NCKAP5: variants seen among roughly 807,000 people sequenced by gnomAD.
The protein encoded by NCKAP5 is nck-associated protein 5.
A neutral mutation model predicts 167.0 loss-of-function variants in NCKAP5; 92 were observed. The ratio of observed to expected loss-of-function variants is 0.55; its 90% CI spans 0.47 to 0.66. The LOEUF is 0.66. NCKAP5 is among the 30% of genes least tolerant of loss of function. NCKAP5 has a pLI of 0.00. For missense variants in NCKAP5, 2,378 were observed against 2,315.0 expected (o/e 1.03, Z -0.56); for synonymous variants, 891 against 877.4 (o/e 1.02, Z -0.27).
At position 132,781,120 on chromosome 2, in the gene NCKAP5, T is replaced by A; in HGVS notation, c.4981A>T (p.Ser1661Cys). The A allele has an allele frequency of 6.2e-7, 1 of 1,613,904 alleles. No individual in the cohort carries two copies. The highest frequency in any genetic ancestry group is 8.5e-7 in the Non-Finnish European group (1 of 1,179,856). The change falls in exon 15 of 20, where the codon AGT (serine) becomes TGT (cysteine). Residue 1661 changes from serine to cysteine, a missense_variant. By Grantham distance (112) the Ser-to-Cys change is moderately radical (BLOSUM62 -1). Coordinates refer to ENST00000409261, the MANE Select transcript of NCKAP5 (RefSeq NM_207363.3). Reference protein sequence around the residue: ...QGSCLIGSSISTQGNHKKNMK... With the variant: ...QGSCLIGSSICTQGNHKKNMK... ...TTTTTCTTGTGGTTTCCTTGAGTAC[T>A]GATAGAGCTGCCGATGAGACAGGAG...
At chr2:133,137,797 G>A (rs552015774) in intron 5 of NCKAP5, among the ~76,000 whole-genome samples, 13 of 152,272 alleles carry the variant, frequency 8.5e-5, no homozygotes, top group South Asian at 2.1e-4. Flanking sequence ...TTGAACACTC[G>A]AACAAAGGAT....
chr2:133,449,672 C>A (rs942853303), intron 3 of NCKAP5, among the ~76,000 whole-genome samples: 5 of 152,148 alleles, frequency 3.3e-5, no homozygotes, highest in African/African-American at 9.7e-5. Context: ...ACAGGCCAAT[C>A]TGAAATGGAT....
intron 4 of NCKAP5, among the ~76,000 whole-genome samples, chr2:133,286,401 T>C (rs767488819): frequency 1.3e-5 from 2 of 152,124 alleles, no homozygotes; most frequent in Non-Finnish European, 2.9e-5. Context: ...ATAGGAGTAG[T>C]GGAGAAAAAA....
At chr2:132,899,263 A>G (rs1207594309) in intron 8 of NCKAP5, among the ~76,000 whole-genome samples, 1 of 152,236 alleles carries the variant, frequency 6.6e-6, no homozygotes, top group Non-Finnish European at 1.5e-5. Flanking sequence ...TTCTTCTGCA[A>G]CTTCCTAACC....
At chr2:133,006,323 C>T (rs1198148830) in intron 6 of NCKAP5, among the ~76,000 whole-genome samples, 9 of 152,116 alleles carry the variant, frequency 5.9e-5, no homozygotes, top group Non-Finnish European at 1.2e-4. Flanking sequence ...TCTTAATATG[C>T]ACCATGCTTT....
intron 3 of NCKAP5, among the ~76,000 whole-genome samples, chr2:133,310,691 CT>C (rs1681172462): frequency 6.6e-6 from 1 of 152,164 alleles, no homozygotes; most frequent in South Asian, 2.1e-4. Flanking sequence ...GTAGGCCATC[CT>C]TCATTTCTGT....
At chr2:133,203,447 A>G (rs1302291306) in intron 5 of NCKAP5, among the ~76,000 whole-genome samples, 1 of 152,192 alleles carries the variant, frequency 6.6e-6, no homozygotes, top group Admixed American at 6.5e-5. Flanking sequence ...GTAAATGACA[A>G]GTTAATAGGT....
At chr2:133,163,582 T>C (rs2083885372) in intron 5 of NCKAP5, among the ~76,000 whole-genome samples, 1 of 152,228 alleles carries the variant, frequency 6.6e-6, no homozygotes, top group African/African-American at 2.4e-5. Flanking sequence ...CTTTTGGTAT[T>C]GGAACTCAAA....
intron 6 of NCKAP5, among the ~76,000 whole-genome samples, chr2:132,995,929 G>C (rs1022895318): frequency 3.3e-5 from 5 of 150,374 alleles, no homozygotes; most frequent in Admixed American, 1.3e-4. Flanking sequence ...AGCTGAGATC[G>C]TGCCACTGCA....
chr2:132,904,831 A>C (rs1158943041), intron 8 of NCKAP5, among the ~76,000 whole-genome samples: 1 of 152,186 alleles, frequency 6.6e-6, no homozygotes, highest in Non-Finnish European at 1.5e-5. Context: ...GCTTCCTGTC[A>C]CAATGTTCCT....
chr2:133,032,713 T>TA (rs1048750416), intron 6 of NCKAP5, among the ~76,000 whole-genome samples: 1 of 152,116 alleles, frequency 6.6e-6, no homozygotes, highest in Non-Finnish European at 1.5e-5. Context: ...CACAGTGCTA[T>TA]AAAAAAACCT....
intron 3 of NCKAP5, among the ~76,000 whole-genome samples, chr2:133,370,605 G>C (rs190033176): frequency 2.6e-5 from 4 of 151,686 alleles, no homozygotes; most frequent in Non-Finnish European, 4.4e-5. Flanking sequence ...TCAAAGCCTA[G>C]TATAAGCAAA....
intron 3 of NCKAP5, among the ~76,000 whole-genome samples, chr2:133,509,583 AG>A (rs1239882689): frequency 5.3e-5 from 8 of 152,344 alleles, no homozygotes; most frequent in South Asian, 2.1e-4. Flanking sequence ...TCTATGTGTC[AG>A]ACTTTAGGAA....
Position 132,783,450 on chromosome 2 carries a change from A to G in NCKAP5, c.3361T>C (p.Ser1121Pro), listed in dbSNP as rs759719027. 17 of 1,587,468 alleles carry G rather than the reference A, an allele frequency of 1.1e-5. No homozygotes were observed. The highest frequency in any genetic ancestry group is 1.5e-5 in the Non-Finnish European group (17 of 1,166,894). ...TTATGGCTTTTGGCGGGTGATGAGGATGATGAGGAACTGCTGACCTGAGAT... is the reference window on the plus strand; with the variant it reads ...TTATGGCTTTTGGCGGGTGATGAGGGTGATGAGGAACTGCTGACCTGAGAT... Reference protein sequence around the residue: ...PSSQVSSSSSSSSPAKSHNSP... With the variant: ...PSSQVSSSSSPSSPAKSHNSP... Residue 1121 changes from serine to proline, a missense_variant, in exon 14 of 20, where the codon TCC becomes CCC. Physicochemically the swap from Ser to Pro is moderately conservative, Grantham distance 74. Coordinates refer to ENST00000409261, the MANE Select transcript of NCKAP5 (RefSeq NM_207363.3).
intron 3 of NCKAP5, among the ~76,000 whole-genome samples, chr2:133,446,206 C>T (rs1229537973): frequency 6.6e-6 from 1 of 152,098 alleles, no homozygotes; most frequent in Non-Finnish European, 1.5e-5. Context: ...ACTGAAAAGC[C>T]TTGACAATTT....
chr2:133,047,028 C>T (rs1199558337), intron 6 of NCKAP5, among the ~76,000 whole-genome samples: 1 of 152,144 alleles, frequency 6.6e-6, no homozygotes, highest in Non-Finnish European at 1.5e-5. Flanking sequence ...CCCTTGTTTC[C>T]TTCTTTGATC....
intron 3 of NCKAP5, among the ~76,000 whole-genome samples, chr2:133,329,314 G>A (rs778180755): frequency 1.6e-4 from 24 of 152,106 alleles, no homozygotes; most frequent in Non-Finnish European, 1.3e-4. Context: ...AGCAAGGGAG[G>A]AGGGGCTGGG....
chr2:133,301,198 T>A (rs1332009971), intron 4 of NCKAP5, among the ~76,000 whole-genome samples: 1 of 52,702 alleles, frequency 1.9e-5, no homozygotes, highest in Non-Finnish European at 3.5e-5. Flanking sequence ...AAAATGGCCA[T>A]ACTGCCCAAG....
At chr2:133,396,162 T>G (rs1249820979) in intron 3 of NCKAP5, among the ~76,000 whole-genome samples, 1 of 152,068 alleles carries the variant, frequency 6.6e-6, no homozygotes, top group African/African-American at 2.4e-5. Context: ...AAGGTAAAGT[T>G]CAATGAACGT....
Sources: gnomAD v4.1 joint callset for allele counts (sites outside exome capture counted in the v4.1 genomes callset) on GRCh38, gnomAD v4.1.1 for gene constraint, MANE v1.5 for transcripts, NCBI Gene and HGNC (gene_info 2026-07-23, HGNC 2026-07-21) for gene names.